Variants in BRINP2 observed in about 807,000 individuals in gnomAD.
The protein encoded by BRINP2 is BMP/retinoic acid inducible neural specific 2.
Under a neutral mutation model 69.2 loss-of-function variants are expected in BRINP2, and 21 were observed. The ratio of observed to expected loss-of-function variants is 0.30; its 90% CI spans 0.22 to 0.44. The LOEUF is 0.44. Among genes scored for constraint, BRINP2 ranks in the 20% least tolerant of loss-of-function variants. The pLI, the probability that BRINP2 is intolerant of heterozygous loss-of-function variation, is 1.00. For synonymous variants in BRINP2, 380 were observed against 394.1 expected (o/e 0.96, Z 0.42); for missense variants, 877 against 986.0 (o/e 0.89, Z 1.48).
chr1:177,222,329 C>T (rs747923935), intron 1 of BRINP2, among the ~76,000 whole-genome samples: 18 of 151,836 alleles, frequency 1.2e-4, no homozygotes, highest in Admixed American at 6.6e-4. Flanking sequence ...CTTTTCTTTT[C>T]GAGATGGCGT....
At chr1:177,239,003 C>T (rs1005291434) in intron 2 of BRINP2, among the ~76,000 whole-genome samples, 24 of 152,184 alleles carry the variant, frequency 1.6e-4, no homozygotes, top group Non-Finnish European at 4.4e-5. Flanking sequence ...AGAGCCAGCA[C>T]TCAACCAATA....
chr1:177,273,454 A>C, intron 4 of BRINP2, 34 bp from the exon 5 acceptor site: 1 of 1,471,900 alleles, frequency 6.8e-7, no homozygotes, highest in Non-Finnish European at 9.4e-7. Context: ...TCCACTTGTT[A>C]TCTAAACCCA....
chr1:177,276,581 A>G (rs945517938), intron 6 of BRINP2, 147 bp downstream of exon 6: 3 of 718,624 alleles, frequency 4.2e-6, no homozygotes, highest in Non-Finnish European at 7.0e-6. Flanking sequence ...CAAGCAGGTT[A>G]TATCACCACC....
chr1:177,276,334 T>C lies in BRINP2; in HGVS notation c.912T>C (p.Pro304=). The C allele has an allele frequency of 6.2e-7, 1 of 1,614,206 alleles. No individual in the cohort carries two copies. The highest frequency in any genetic ancestry group is 8.5e-7 in the Non-Finnish European group (1 of 1,180,034). The change falls in exon 6 of 8, where the codon CCT becomes CCC. Residue 304 remains proline (P), a synonymous_variant. Transcript: ENST00000361539. The part of the protein sequence containing the change: ...DCWCKCSPTF[P]ECNCPDADIQ... ...GGTGCAAGTGCAGCCCCACCTTCCC[T>C]GAATGCAACTGCCCTGATGCTGACA...
chr1:177,229,681 C>A, intron 1 of BRINP2, 120 bp from the exon 2 acceptor site: 1 of 657,378 alleles, frequency 1.5e-6, no homozygotes, highest in Non-Finnish European at 2.4e-6. Flanking sequence ...ATGCCGAGAA[C>A]GAAGTTATGT....
At chr1:177,187,461 C>T (rs1294214174) in intron 1 of BRINP2, among the ~76,000 whole-genome samples, 1 of 152,164 alleles carries the variant, frequency 6.6e-6, no homozygotes, top group Non-Finnish European at 1.5e-5. Flanking sequence ...ATTCACTTAC[C>T]AAAATGGGTC....
intron 1 of BRINP2, among the ~76,000 whole-genome samples, chr1:177,218,088 A>G (rs561238741): frequency 3.0e-4 from 46 of 152,210 alleles, no homozygotes; most frequent in Non-Finnish European, 6.2e-4. Flanking sequence ...AGAACTGATT[A>G]AACTCCCAGG....
intron 2 of BRINP2, among the ~76,000 whole-genome samples, chr1:177,244,540 G>T (rs1196330492): frequency 1.3e-5 from 2 of 152,168 alleles, no homozygotes; most frequent in East Asian, 3.9e-4. Flanking sequence ...TAAGGCAGGA[G>T]AATTGCTTAA....
chr1:177,280,322 G>T, intron 7 of BRINP2, 90 bp from the exon 8 acceptor site: 1 of 1,292,254 alleles, frequency 7.7e-7, no homozygotes, highest in Non-Finnish European at 1.1e-6. Flanking sequence ...TGCCTTCCAC[G>T]CCTAGTGGTC....
intron 1 of BRINP2, among the ~76,000 whole-genome samples, chr1:177,175,291 G>C (rs183513992): frequency 2.7e-5 from 3 of 112,914 alleles, no homozygotes; most frequent in Non-Finnish European, 4.8e-5. Context: ...AAAGCGGGGT[G>C]GGGGGGGCAG....
intron 1 of BRINP2, among the ~76,000 whole-genome samples, chr1:177,192,833 C>T (rs977940381): frequency 3.3e-5 from 5 of 152,120 alleles, no homozygotes; most frequent in Non-Finnish European, 7.4e-5. Flanking sequence ...GAAATGAATA[C>T]GCAGTCAGGT....
intron 1 of BRINP2, among the ~76,000 whole-genome samples, chr1:177,210,800 G>A (rs1482750093): frequency 1.3e-5 from 2 of 151,348 alleles, no homozygotes; most frequent in African/African-American, 4.8e-5. Flanking sequence ...AAACTGAGAT[G>A]TGCAGTAAAT....
At chr1:177,244,313 C>T (rs1650305535) in intron 2 of BRINP2, among the ~76,000 whole-genome samples, 1 of 152,152 alleles carries the variant, frequency 6.6e-6, no homozygotes, top group South Asian at 2.1e-4. Flanking sequence ...CATACACTGC[C>T]TTCACGTCTT....
intron 2 of BRINP2, among the ~76,000 whole-genome samples, chr1:177,249,486 T>G (rs1201390393): frequency 6.6e-6 from 1 of 152,208 alleles, no homozygotes; most frequent in Non-Finnish European, 1.5e-5. Flanking sequence ...ACATAGGGAC[T>G]ATAGGGCTGT....
intron 2 of BRINP2, among the ~76,000 whole-genome samples, chr1:177,239,099 G>A (rs1436645370): frequency 6.6e-6 from 1 of 152,218 alleles, no homozygotes; most frequent in Non-Finnish European, 1.5e-5. Context: ...GAGAAACAGT[G>A]TCTCGGGTTG....
At chr1:177,219,542 A>T (rs1649467037) in intron 1 of BRINP2, among the ~76,000 whole-genome samples, 1 of 152,256 alleles carries the variant, frequency 6.6e-6, no homozygotes, top group Non-Finnish European at 1.5e-5. Flanking sequence ...TTACAAACAC[A>T]ATCCTGGAAA....
At chr1:177,229,176 T>G (rs1649788743) in intron 1 of BRINP2, among the ~76,000 whole-genome samples, 1 of 152,172 alleles carries the variant, frequency 6.6e-6, no homozygotes, top group Non-Finnish European at 1.5e-5. Context: ...AGATCAGATG[T>G]TCAAGGCTGG....
At chr1:177,257,024 T>G (rs1314719908) in intron 3 of BRINP2, 152 bp from the exon 4 acceptor site, 2 of 1,537,472 alleles carry the variant, frequency 1.3e-6, no homozygotes, top group Non-Finnish European at 1.8e-6. Flanking sequence ...ATGAGCTTCT[T>G]CTAAAGATGG....
In BRINP2 at chr1:177,259,143, C is replaced by T. The variant is rs375604201; in HGVS notation, c.669+1759C>T. 6.6e-5 allele frequency among the ~76,000 whole-genome samples: 10 copies of T among 152,192 alleles called. No homozygotes were observed. The East Asian group carries it at 7.7e-4, about 12-fold the overall frequency. On this transcript the variant is annotated intron_variant, in intron 4 of 7. Coordinates refer to ENST00000361539, the MANE Select transcript of BRINP2 (RefSeq NM_021165.4). ...TTGAAAGACATTAAAAGTGCTAGTCCGGTGAATACAAGAATGATAAAAAAG... is the reference window on the plus strand; with the variant it reads ...TTGAAAGACATTAAAAGTGCTAGTCTGGTGAATACAAGAATGATAAAAAAG...
Sources: allele counts gnomAD v4.1 joint callset (sites outside exome capture counted in the v4.1 genomes callset), GRCh38; gene constraint gnomAD v4.1.1; transcripts MANE v1.5; gene names NCBI Gene and HGNC (gene_info 2026-07-23, HGNC 2026-07-21).